NCOA1: variants seen among roughly 807,000 people sequenced by gnomAD.
The protein encoded by NCOA1 is nuclear receptor coactivator 1.
In NCOA1, 35 loss-of-function variants were observed where a neutral mutation model predicts 150.9. The observed-to-expected ratio is 0.23, with a 90% CI of 0.18 to 0.31. NCOA1 has a LOEUF of 0.31. Among genes scored for constraint, NCOA1 ranks in the 10% least tolerant of loss-of-function variants. The pLI is 1.00. For missense variants in NCOA1, 1,491 were observed against 1,749.3 expected (o/e 0.85, Z 2.63); for synonymous variants, 590 against 630.0 (o/e 0.94, Z 0.95).
At chr2:24,580,441 T>A (rs192613571) in intron 2 of NCOA1, among the ~76,000 whole-genome samples, 1 of 152,324 alleles carries the variant, frequency 6.6e-6, no homozygotes, top group East Asian at 1.9e-4. Context: ...GAGGCTCTAA[T>A]TATTTGTTTT....
intron 3 of NCOA1, among the ~76,000 whole-genome samples, chr2:24,605,120 T>C (rs1325950742): frequency 6.6e-6 from 1 of 152,138 alleles, no homozygotes; most frequent in African/African-American, 2.4e-5. Flanking sequence ...ATTACAGTAA[T>C]AAAATCAAAG....
In NCOA1 at chr2:24,726,720, T is replaced by A; in HGVS notation, c.2717+14T>A. On this transcript the variant is annotated intron_variant, in intron 15 of 22. Coordinates refer to ENST00000348332, the MANE Select transcript of NCOA1 (RefSeq NM_003743.5). The stretch of plus-strand genomic sequence containing the variant: ...TAAATCAGAAGAGTAAGTAATACAT[T>A]TTGTATTTTATAAGGTATCAGATAC... 1 of 1,534,274 alleles carries A rather than the reference T, an allele frequency of 6.5e-7. No homozygotes were observed. The highest frequency in any genetic ancestry group is 8.9e-7 in the Non-Finnish European group (1 of 1,122,424).
chr2:24,531,409 AT>A (rs1005110011), intron 1 of NCOA1, among the ~76,000 whole-genome samples: 9 of 152,284 alleles, frequency 5.9e-5, no homozygotes, highest in East Asian at 3.9e-4. Context: ...AAGAAAAAAA[AT>A]AATCTATTTT....
chr2:24,613,355 G>C (rs926753749), intron 3 of NCOA1, among the ~76,000 whole-genome samples: 12 of 152,190 alleles, frequency 7.9e-5, no homozygotes, highest in African/African-American at 2.9e-4. Context: ...GATACGTGGA[G>C]TGCACAGTGG....
intron 1 of NCOA1, among the ~76,000 whole-genome samples, chr2:24,539,039 A>T (rs143049454): frequency 1.6e-3 from 238 of 152,306 alleles, no homozygotes; most frequent in Middle Eastern, 6.8e-3. Context: ...TAACGTGTAA[A>T]AGTTAGGAAG....
At chr2:24,651,974 G>C (rs1670730470) in intron 4 of NCOA1, among the ~76,000 whole-genome samples, 1 of 152,144 alleles carries the variant, frequency 6.6e-6, no homozygotes, top group Non-Finnish European at 1.5e-5. Flanking sequence ...AACTGGCTTT[G>C]ATAATTCCTC....
chr2:24,511,147 G>A (rs1663920317), intron 1 of NCOA1, among the ~76,000 whole-genome samples: 1 of 152,044 alleles, frequency 6.6e-6, no homozygotes, highest in South Asian at 2.1e-4. Context: ...TGTTTTTGAG[G>A]TTCATCCATG....
chr2:24,750,696 A>G (rs1185567062), intron 19 of NCOA1, among the ~76,000 whole-genome samples: 4 of 152,172 alleles, frequency 2.6e-5, no homozygotes, highest in Non-Finnish European at 4.4e-5. Flanking sequence ...ATTGACTACA[A>G]ACAGGTACAA....
intron 3 of NCOA1, among the ~76,000 whole-genome samples, chr2:24,640,166 A>G (rs1001631274): frequency 2.6e-5 from 4 of 151,912 alleles, no homozygotes; most frequent in Non-Finnish European, 2.9e-5. Context: ...TTAATTCCAT[A>G]GTAGTGAGAG....
Position 24,699,739 on chromosome 2 carries a change from G to A in NCOA1, c.949+1941G>A, listed in dbSNP as rs562508514. Among the ~76,000 whole-genome samples, 3 of 152,240 alleles carry A rather than the reference G, an allele frequency of 2.0e-5. No homozygotes were observed. The South Asian group carries it at 6.2e-4, about 32-fold the overall frequency. On this transcript the variant is annotated intron_variant, in intron 11 of 22. Transcript: ENST00000348332. ...TTCAGCAGTATCTAGCCAGATATGA[G>A]AAATGTGGTCAATGAAACACTTTCA...
In NCOA1 at chr2:24,670,493, A is replaced by G. The variant is rs563524667; in HGVS notation, c.257-2873A>G. On this transcript the variant is annotated intron_variant, in intron 6 of 22. Transcript: ENST00000348332. ...CTATGAAGGACTATTATTAGGCAAT[A>G]AAAAGGAATAAAGTACTGATAAATA... Among the ~76,000 whole-genome samples, 61 of 152,360 alleles carry G rather than the reference A, an allele frequency of 4.0e-4. No homozygotes were observed. In the South Asian group the frequency reaches 0.012, roughly 30 times the overall value.
intron 14 of NCOA1, among the ~76,000 whole-genome samples, chr2:24,714,689 C>A (rs1673928631): frequency 6.6e-6 from 1 of 151,966 alleles, no homozygotes; most frequent in Non-Finnish European, 1.5e-5. Flanking sequence ...AGACCTCAGT[C>A]ACCTGTGGAA....
intron 1 of NCOA1, among the ~76,000 whole-genome samples, chr2:24,550,345 A>G (rs1665775062): frequency 6.6e-6 from 1 of 152,210 alleles, no homozygotes; most frequent in African/African-American, 2.4e-5. Context: ...AGACAGGGCA[A>G]TTTACAAAAG....
chr2:24,550,519 T>G (rs966212849), intron 1 of NCOA1, among the ~76,000 whole-genome samples: 2 of 152,192 alleles, frequency 1.3e-5, no homozygotes, highest in African/African-American at 2.4e-5. Context: ...TCGAGAGATT[T>G]ATTCACTACC....
At chr2:24,747,484 T>G (rs1042527748) in intron 19 of NCOA1, among the ~76,000 whole-genome samples, 29 of 151,716 alleles carry the variant, frequency 1.9e-4, no homozygotes, top group African/African-American at 6.5e-4. Context: ...CATGTACCAC[T>G]GTGCCCGGCT....
At chr2:24,750,982 GCTTTTT>G (rs1225121905) in intron 19 of NCOA1, among the ~76,000 whole-genome samples, 1 of 151,206 alleles carries the variant, frequency 6.6e-6, no homozygotes. Flanking sequence ...TTCATACATG[GCTTTTT>G]CTTTTTCTTT....
At chr2:24,739,377 G>T (rs1453804274) in intron 17 of NCOA1, 55 bp from the exon 18 acceptor site, 1 of 1,233,970 alleles carries the variant, frequency 8.1e-7, no homozygotes, top group Non-Finnish European at 1.2e-6. Flanking sequence ...ACTTTATAAG[G>T]CCCGTGTTAT....
intron 2 of NCOA1, among the ~76,000 whole-genome samples, chr2:24,569,946 G>C (rs1308446976): frequency 6.6e-6 from 1 of 150,740 alleles, no homozygotes; most frequent in South Asian, 2.1e-4. Context: ...ATAGAACATG[G>C]AAAAATACTT....
chr2:24,686,775 G>A (rs1026511607), intron 8 of NCOA1, among the ~76,000 whole-genome samples: 1 of 152,106 alleles, frequency 6.6e-6, no homozygotes, highest in African/African-American at 2.4e-5. Context: ...TATCTAGAAA[G>A]ATCACCTAAA....
Sources: gnomAD v4.1 joint callset for allele counts (sites outside exome capture counted in the v4.1 genomes callset) on GRCh38, gnomAD v4.1.1 for gene constraint, MANE v1.5 for transcripts, NCBI Gene and HGNC (gene_info 2026-07-23, HGNC 2026-07-21) for gene names.